The following SUGCT variants were observed in gnomAD, a reference collection of about 807,000 sequenced individuals.
SUGCT encodes succinyl-CoA:glutarate-CoA transferase.
SUGCT carries 41 observed loss-of-function variants against 55.0 expected under a neutral mutation model. The observed-to-expected ratio is 0.74, with a 90% CI of 0.58 to 0.97. The LOEUF (loss-of-function observed/expected upper bound fraction) is 0.97, where lower values mean the gene tolerates loss of function less well. Among genes scored for constraint, SUGCT ranks in the 50% least tolerant of loss-of-function variants. The pLI is 0.00. For missense variants in SUGCT, 568 were observed against 547.8 expected (o/e 1.04, Z -0.37); for synonymous variants, 187 against 200.4 (o/e 0.93, Z 0.56).
chr7:40,860,248 C>A (rs1794426391), intron 13 of SUGCT, 68 bp from the exon 14 acceptor site: 14 of 1,594,616 alleles, frequency 8.8e-6, no homozygotes, highest in Non-Finnish European at 1.1e-5. Context: ...ACACCCCAGG[C>A]TGCTTAGGTA....
chr7:40,371,139 C>T (rs1433731886), intron 9 of SUGCT, among the ~76,000 whole-genome samples: 1 of 152,070 alleles, frequency 6.6e-6, no homozygotes, highest in Admixed American at 6.6e-5. Flanking sequence ...CCATTTTGAC[C>T]AGTTCTCATC....
intron 12 of SUGCT, among the ~76,000 whole-genome samples, chr7:40,741,687 C>T (rs552067855): frequency 6.6e-6 from 1 of 152,128 alleles, no homozygotes; most frequent in African/African-American, 2.4e-5. Flanking sequence ...CTGGAAGCTA[C>T]CTAAAAGCAG....
intron 6 of SUGCT, among the ~76,000 whole-genome samples, chr7:40,212,541 TTTTG>T (rs1330819691): frequency 6.6e-6 from 1 of 152,074 alleles, no homozygotes; most frequent in Non-Finnish European, 1.5e-5. Flanking sequence ...AATATTTTTT[TTTTG>T]TTTGTTTGAG....
chr7:40,743,155 C>A (rs1166826222), intron 12 of SUGCT, among the ~76,000 whole-genome samples: 2 of 152,142 alleles, frequency 1.3e-5, no homozygotes, highest in Admixed American at 6.6e-5. Context: ...GTGTATATGG[C>A]AGATTCAAGA....
the SUGCT span, among the ~76,000 whole-genome samples, chr7:41,012,351 G>GC: frequency 2.0e-5 from 3 of 152,130 alleles, no homozygotes; most frequent in Non-Finnish European, 4.4e-5. Context: ...ATGGCTAAAC[G>GC]CAGTGGTTCA....
At chr7:40,312,575 T>C (rs1272817617) in intron 8 of SUGCT, among the ~76,000 whole-genome samples, 1 of 152,218 alleles carries the variant, frequency 6.6e-6, no homozygotes, top group Non-Finnish European at 1.5e-5. Context: ...AGTAGTGACC[T>C]AGCTCGTTCT....
chr7:40,473,834 G>A (rs1790521743), intron 11 of SUGCT, among the ~76,000 whole-genome samples: 1 of 152,166 alleles, frequency 6.6e-6, no homozygotes, highest in Non-Finnish European at 1.5e-5. Context: ...GTCCAAGGGT[G>A]GCCAATCAGG....
chr7:40,705,115 T>C (rs138745854), intron 12 of SUGCT, among the ~76,000 whole-genome samples: 2 of 152,324 alleles, frequency 1.3e-5, no homozygotes, highest in East Asian at 3.9e-4. Flanking sequence ...CCACACCAAG[T>C]TCAGCTGTTT....
chr7:40,374,160 A>G (rs1490501653), intron 9 of SUGCT, among the ~76,000 whole-genome samples: 4 of 152,138 alleles, frequency 2.6e-5, no homozygotes, highest in African/African-American at 9.7e-5. Context: ...ACATGCATAT[A>G]TAGGGTTGAA....
At chr7:40,614,891 A>T (rs1798924290) in intron 12 of SUGCT, among the ~76,000 whole-genome samples, 1 of 152,100 alleles carries the variant, frequency 6.6e-6, no homozygotes, top group Non-Finnish European at 1.5e-5. Context: ...CCCCATCTCT[A>T]CTAAAAATAC....
At chr7:40,312,707 C>A (rs1795226196) in intron 8 of SUGCT, among the ~76,000 whole-genome samples, 2 of 152,074 alleles carry the variant, frequency 1.3e-5, no homozygotes, top group East Asian at 3.8e-4. Context: ...TGCTTGCTGG[C>A]TGGGATTGGG....
chr7:40,294,061 C>T (rs1309166868), intron 8 of SUGCT, among the ~76,000 whole-genome samples: 1 of 152,102 alleles, frequency 6.6e-6, no homozygotes, highest in Non-Finnish European at 1.5e-5. Flanking sequence ...GATTCACCTG[C>T]CTCAGCCTCC....
the SUGCT span, among the ~76,000 whole-genome samples, chr7:40,978,849 T>C: frequency 6.6e-6 from 1 of 152,104 alleles, no homozygotes; most frequent in African/African-American, 2.4e-5. Context: ...ATGACACAGG[T>C]TATGCAGGAC....
intron 9 of SUGCT, among the ~76,000 whole-genome samples, chr7:40,442,394 C>T (rs1788561884): frequency 1.3e-5 from 2 of 152,000 alleles, no homozygotes; most frequent in African/African-American, 4.8e-5. Flanking sequence ...AAGTAGTTTC[C>T]TTAATAATGT....
chr7:40,437,439 G>A (rs182332883), intron 9 of SUGCT, among the ~76,000 whole-genome samples: 209 of 152,170 alleles, frequency 1.4e-3, no homozygotes, highest in African/African-American at 4.9e-3. Flanking sequence ...CAAAGCAAGG[G>A]CTTATATTTA....
In SUGCT at chr7:40,143,654, G is replaced by A. The variant is rs150583087; in HGVS notation, c.100+8534G>A. Among the ~76,000 whole-genome samples, 1,073 of 152,326 alleles carry A rather than the reference G, an allele frequency of 7.0e-3. 13 individuals are homozygous for A. The highest frequency in any genetic ancestry group is 0.024 in the African/African-American group (1,003 of 41,582). On this transcript the variant is annotated intron_variant, in intron 1 of 13. Transcript: ENST00000335693. ...ATCTTGGTATCTTGTCTTAATTGCCGAAGTTTGTTTTAAGTCTTTAACTTG... is the reference window on the plus strand; with the variant it reads ...ATCTTGGTATCTTGTCTTAATTGCCAAAGTTTGTTTTAAGTCTTTAACTTG...
chr7:40,561,651 G>A (rs1562862370), intron 12 of SUGCT, among the ~76,000 whole-genome samples: 1 of 151,024 alleles, frequency 6.6e-6, no homozygotes, highest in Admixed American at 6.6e-5. Context: ...AGGGGTTCAC[G>A]GATGATTCGC....
At chr7:40,245,053 CT>C (rs912661372) in intron 7 of SUGCT, among the ~76,000 whole-genome samples, 7 of 148,524 alleles carry the variant, frequency 4.7e-5, no homozygotes, top group Non-Finnish European at 3.0e-5. Context: ...CCTCTTTAAA[CT>C]TTTTTTTTTG....
intron 7 of SUGCT, among the ~76,000 whole-genome samples, chr7:40,266,184 C>CTT (rs1562627615): frequency 2.1e-4 from 5 of 24,198 alleles, no homozygotes; most frequent in South Asian, 2.3e-3. Flanking sequence ...TCTTTCCTTT[C>CTT]CTTTTTTTTT....
Sources: allele counts gnomAD v4.1 joint callset (sites outside exome capture counted in the v4.1 genomes callset), GRCh38; gene constraint gnomAD v4.1.1; transcripts MANE v1.5; gene names NCBI Gene and HGNC (gene_info 2026-07-23, HGNC 2026-07-21).